The following KIAA1217 variants were observed in gnomAD, a reference collection of about 807,000 sequenced individuals.
KIAA1217 encodes KIAA1217, also known as sickle tail protein homolog.
KIAA1217 carries 88 observed loss-of-function variants against 163.9 expected under a neutral mutation model. That is an observed-to-expected ratio of 0.54 (90% CI 0.45 to 0.64). The LOEUF (loss-of-function observed/expected upper bound fraction) is 0.64. Ranked by LOEUF, KIAA1217 falls within the 30% of genes least tolerant of loss-of-function variation. The probability of loss-of-function intolerance (pLI) is 0.00; values close to 1 mark genes in which losing one functional copy is unlikely to be tolerated. For synonymous variants in KIAA1217, 903 were observed against 923.1 expected (o/e 0.98, Z 0.39); for missense variants, 2,372 against 2,475.0 (o/e 0.96, Z 0.88).
At chr10:24,481,596 T>G (rs2064708112) in intron 6 of KIAA1217, 2 of 152,130 alleles carry the variant, frequency 1.3e-5, no homozygotes, top group Non-Finnish European at 2.9e-5. Flanking sequence ...TAATAATACA[T>G]TGTAGGTTAA....
intron 6 of KIAA1217, among the ~76,000 whole-genome samples, chr10:24,489,378 T>C (rs1246152854): frequency 6.6e-6 from 1 of 152,194 alleles, no homozygotes; most frequent in Non-Finnish European, 1.5e-5. Context: ...GTAATATGTC[T>C]TCTGGAAACT....
chr10:24,395,320 G>A (rs1313258928), intron 3 of KIAA1217, among the ~76,000 whole-genome samples: 1 of 152,172 alleles, frequency 6.6e-6, no homozygotes, highest in Non-Finnish European at 1.5e-5. Flanking sequence ...CCTCCGCCCT[G>A]TTGCTCCGGT....
chr10:23,916,049 A>G (rs2131279880), intron 1 of KIAA1217, among the ~76,000 whole-genome samples: 1 of 152,324 alleles, frequency 6.6e-6, no homozygotes. Context: ...GCTGCCAGTT[A>G]TCAATATTCT....
At chr10:24,490,854 G>A (rs2066016781) in intron 6 of KIAA1217, among the ~76,000 whole-genome samples, 1 of 152,166 alleles carries the variant, frequency 6.6e-6, no homozygotes, top group Non-Finnish European at 1.5e-5. Context: ...TGGCCTTGCA[G>A]GTGACATGCC....
intron 1 of KIAA1217, among the ~76,000 whole-genome samples, chr10:23,889,669 A>G (rs1355794026): frequency 6.6e-6 from 1 of 151,928 alleles, no homozygotes; most frequent in Non-Finnish European, 1.5e-5. Context: ...TTTGAAGAGC[A>G]AGAAAATGCT....
At chr10:24,404,561 T>G (rs2056972985) in intron 3 of KIAA1217, among the ~76,000 whole-genome samples, 1 of 106,188 alleles carries the variant, frequency 9.4e-6, no homozygotes, top group African/African-American at 4.1e-5. Context: ...AATGAGACTC[T>G]GTCTCAAAAA....
chr10:24,502,570 A>G (rs1227371682), intron 9 of KIAA1217, among the ~76,000 whole-genome samples: 1 of 152,172 alleles, frequency 6.6e-6, no homozygotes, highest in Non-Finnish European at 1.5e-5. Context: ...ATGAGACCAC[A>G]TATTTGCTCT....
At chr10:24,318,386 A>G (rs1303823993) in intron 2 of KIAA1217, among the ~76,000 whole-genome samples, 1 of 152,148 alleles carries the variant, frequency 6.6e-6, no homozygotes, top group African/African-American at 2.4e-5. Flanking sequence ...ACAGACTGAA[A>G]CAGGCTGAGG....
At chr10:23,801,596 G>C (rs956802713) in intron 1 of KIAA1217, among the ~76,000 whole-genome samples, 10 of 152,174 alleles carry the variant, frequency 6.6e-5, no homozygotes, top group Non-Finnish European at 1.3e-4. Context: ...TTTTGGAGTA[G>C]GGACTCCTTT....
intron 1 of KIAA1217, among the ~76,000 whole-genome samples, chr10:23,738,298 G>T (rs1838921342): frequency 6.6e-6 from 1 of 152,064 alleles, no homozygotes; most frequent in African/African-American, 2.4e-5. Flanking sequence ...TTTAAGGTCT[G>T]GAATGTTTTA....
chr10:24,210,670 A>AATTC (rs1299665890), intron 1 of KIAA1217, among the ~76,000 whole-genome samples: 1 of 152,168 alleles, frequency 6.6e-6, no homozygotes, highest in Non-Finnish European at 1.5e-5. Context: ...TTTGCTCACT[A>AATTC]ATTCATTCAT....
rs562376022 is a variant in KIAA1217, at chr10:24,454,996, A to T, written c.846+16517A>T. 5.9e-5 allele frequency among the ~76,000 whole-genome samples: 9 copies of T among 151,682 alleles called. No individual in the cohort carries two copies. In the East Asian group the frequency reaches 1.7e-3, roughly 29 times the overall value. On this transcript the variant is annotated intron_variant, in intron 5 of 20. Coordinates refer to ENST00000376454, the MANE Select transcript of KIAA1217 (RefSeq NM_019590.5). Reference sequence around the variant, plus strand: ...TAGACCAAGGAGCCTATTAGCTTGCAATCTGAGAGAACCTCTGCATTTTCA... The same window carrying T: ...TAGACCAAGGAGCCTATTAGCTTGCTATCTGAGAGAACCTCTGCATTTTCA...
At chr10:23,909,520 A>C (rs1842336982) in intron 1 of KIAA1217, among the ~76,000 whole-genome samples, 1 of 142,092 alleles carries the variant, frequency 7.0e-6, no homozygotes. Context: ...TCTAAAACAA[A>C]AGTTGAAATT....
At chr10:24,249,903 C>T (rs2074276737) in intron 2 of KIAA1217, among the ~76,000 whole-genome samples, 1 of 152,134 alleles carries the variant, frequency 6.6e-6, no homozygotes, top group Non-Finnish European at 1.5e-5. Context: ...AAACCGGTGG[C>T]TCATTTTATG....
intron 3 of KIAA1217, among the ~76,000 whole-genome samples, chr10:24,390,610 T>C (rs922886515): frequency 6.6e-6 from 1 of 152,146 alleles, no homozygotes; most frequent in Non-Finnish European, 1.5e-5. Context: ...ATGTCCTTTA[T>C]ACTCAGCAGG....
intron 10 of KIAA1217, 103 bp from the exon 11 acceptor site, chr10:24,520,020 G>A: frequency 7.5e-7 from 1 of 1,332,232 alleles, no homozygotes; most frequent in Non-Finnish European, 1.0e-6. Flanking sequence ...GGAGGAGCTG[G>A]GGCTCTACAC....
chr10:24,174,256 C>A (rs568651435), intron 2 of KIAA1217, among the ~76,000 whole-genome samples: 5 of 152,366 alleles, frequency 3.3e-5, no homozygotes, highest in Admixed American at 3.3e-4. Flanking sequence ...CCTTCTATGT[C>A]TGTCTAGCTC....
chr10:24,013,306 T>A (rs1294643738), intron 2 of KIAA1217, among the ~76,000 whole-genome samples: 1 of 151,984 alleles, frequency 6.6e-6, no homozygotes, highest in Admixed American at 6.6e-5. Context: ...TGGCCATGAT[T>A]CAATGTTAAT....
Position 24,176,774 on chromosome 10 carries a change from G to A in KIAA1217, c.-170-42852G>A, listed in dbSNP as rs139263593. On this transcript the variant is annotated intron_variant, in intron 2 of 18. Coordinates refer to the KIAA1217 transcript ENST00000376462. ...TTGATAGGACTAGGCACCGCGGAGCGGGGGTGGCGCCCATCGGGGAGGCTC... is the reference window on the plus strand; with the variant it reads ...TTGATAGGACTAGGCACCGCGGAGCAGGGGTGGCGCCCATCGGGGAGGCTC... 3.4e-3 allele frequency among the ~76,000 whole-genome samples: 521 copies of A among 152,336 alleles called. 3 individuals carry two copies. Among genetic ancestry groups the A allele is most frequent in the African/African-American group, 0.012 (494 of 41,592 alleles).
Sources: gnomAD v4.1 joint callset for allele counts (sites outside exome capture counted in the v4.1 genomes callset) on GRCh38, gnomAD v4.1.1 for gene constraint, MANE v1.5 for transcripts, NCBI Gene and HGNC (gene_info 2026-07-23, HGNC 2026-07-21) for gene names.